The following ST18 variants were observed in gnomAD, a reference collection of about 807,000 sequenced individuals.
The protein encoded by ST18 is ST18 C2H2C-type zinc finger transcription factor, also known as suppression of tumorigenicity 18 protein.
Under a neutral mutation model 110.0 loss-of-function variants are expected in ST18, and 50 were observed. The ratio of observed to expected loss-of-function variants is 0.45; its 90% confidence interval spans 0.36 to 0.58. ST18 has a LOEUF of 0.58. ST18 is among the 20% of genes least tolerant of loss of function. ST18 has a pLI of 0.00. For synonymous variants in ST18, 461 were observed against 452.4 expected (o/e 1.02, Z -0.24); for missense variants, 1,306 against 1,280.1 (o/e 1.02, Z -0.31).
At chr8:52,125,520 G>A (rs2046686555) in intron 23 of ST18, among the ~76,000 whole-genome samples, 1 of 152,126 alleles carries the variant, frequency 6.6e-6, no homozygotes, top group Non-Finnish European at 1.5e-5. Context: ...GCCTCTCGCA[G>A]TTGTCCAGGC....
At chr8:52,355,959 C>T (rs907152955) in intron 2 of ST18, among the ~76,000 whole-genome samples, 2 of 152,000 alleles carry the variant, frequency 1.3e-5, no homozygotes, top group Admixed American at 1.3e-4. Flanking sequence ...AGCACAGCAG[C>T]CAGGAGCAAG....
At chr8:52,281,049 T>TA (rs1376889593) in intron 2 of ST18, among the ~76,000 whole-genome samples, 4 of 151,994 alleles carry the variant, frequency 2.6e-5, no homozygotes, top group Admixed American at 1.3e-4. Flanking sequence ...AACCACACAT[T>TA]AAAAAACTAA....
intron 2 of ST18, among the ~76,000 whole-genome samples, chr8:52,239,699 G>A (rs975060628): frequency 1.3e-5 from 2 of 152,162 alleles, no homozygotes; most frequent in Admixed American, 6.6e-5. Flanking sequence ...ACTCCCCAAC[G>A]TGTGGTCTCT....
intron 2 of ST18, among the ~76,000 whole-genome samples, chr8:52,237,231 G>A (rs576072135): frequency 2.6e-5 from 4 of 152,342 alleles, no homozygotes; most frequent in Admixed American, 6.5e-5. Flanking sequence ...CAGTGTGGGC[G>A]TGGTGAGGAC....
intron 15 of ST18, among the ~76,000 whole-genome samples, chr8:52,152,658 C>T (rs114590284): frequency 0.011 from 1,737 of 152,238 alleles, 45 homozygotes; most frequent in African/African-American, 0.04. Context: ...AATTGGAAAA[C>T]AGGTTGTTTC....
chr8:52,118,337 C>G lies in ST18; in HGVS notation c.2859+1G>C, dbSNP rs761992323. 2.5e-6 allele frequency: 4 copies of G among 1,578,796 alleles called. 1 individual carries two copies. Among genetic ancestry groups the G allele is most frequent in the Non-Finnish European group, 8.6e-7 (1 of 1,159,702 alleles). On this transcript the variant is annotated splice_donor_variant, in intron 24 of 25. Coordinates refer to ENST00000689386, the MANE Select transcript of ST18 (RefSeq NM_001352837.2). LOFTEE classifies it high-confidence loss of function. ...GATCATGAATTACTTCTTTTTTTTA[C>G]CTGGGTCTGAAGTTTCATCATATCT...
chr8:52,217,574 C>T (rs1453649208), intron 6 of ST18, among the ~76,000 whole-genome samples, 172 bp downstream of exon 6: 1 of 151,794 alleles, frequency 6.6e-6, no homozygotes, highest in Non-Finnish European at 1.5e-5. Context: ...GAGGAAAAGA[C>T]ATGTACAAAA....
chr8:52,314,825 G>A (rs1296078732), intron 2 of ST18, among the ~76,000 whole-genome samples: 1 of 152,092 alleles, frequency 6.6e-6, no homozygotes, highest in Non-Finnish European at 1.5e-5. Context: ...GGGGCAGCAG[G>A]GATTGGCACA....
In ST18 at chr8:52,138,177, T is replaced by C. The variant is rs144710249; in HGVS notation, c.2169-694A>G. ...ATTAGAAACCCATGCTTTACTATGA[T>C]AGCAGATCTTAGGAACACCAGCACC... On this transcript the variant is annotated intron_variant, in intron 17 of 25. Transcript: ENST00000689386. Among the ~76,000 whole-genome samples the C allele has an allele frequency of 6.1e-3, 927 of 152,030 alleles. 19 individuals are homozygous for C. The highest frequency in any genetic ancestry group is 0.021 in the African/African-American group (889 of 41,460).
chr8:52,292,581 T>C (rs896538383), intron 2 of ST18, among the ~76,000 whole-genome samples: 1 of 152,220 alleles, frequency 6.6e-6, no homozygotes, highest in Non-Finnish European at 1.5e-5. Flanking sequence ...GTTATTAACA[T>C]AAAATAAATA....
intron 9 of ST18, among the ~76,000 whole-genome samples, chr8:52,176,379 A>G (rs767944901): frequency 4.6e-5 from 7 of 152,200 alleles, no homozygotes; most frequent in Non-Finnish European, 8.8e-5. Flanking sequence ...AATAAAATAA[A>G]CAACATGACC....
chr8:52,279,030 A>AT (rs1288309851), intron 2 of ST18, among the ~76,000 whole-genome samples: 2 of 152,196 alleles, frequency 1.3e-5, no homozygotes, highest in Non-Finnish European at 2.9e-5. Flanking sequence ...TCAGAAAATA[A>AT]TTTTTTAAAA....
chr8:52,230,871 C>T (rs80051551), intron 2 of ST18, among the ~76,000 whole-genome samples: 16 of 151,982 alleles, frequency 1.1e-4, no homozygotes, highest in African/African-American at 3.4e-4. Flanking sequence ...GATGCCCTGA[C>T]GACAGAACAA....
intron 2 of ST18, among the ~76,000 whole-genome samples, chr8:52,271,600 G>A (rs961228317): frequency 6.6e-6 from 1 of 152,134 alleles, no homozygotes; most frequent in African/African-American, 2.4e-5. Context: ...TTTTCCTTTA[G>A]TTTCTCTGTT....
intron 21 of ST18, among the ~76,000 whole-genome samples, chr8:52,132,781 T>C (rs555658880): frequency 1.3e-5 from 2 of 152,360 alleles, no homozygotes; most frequent in South Asian, 4.1e-4. Context: ...TATCATTGTA[T>C]AGTACTTCCA....
At chr8:52,169,458 C>T (rs1347910920) in intron 10 of ST18, among the ~76,000 whole-genome samples, 1 of 152,118 alleles carries the variant, frequency 6.6e-6, no homozygotes, top group African/African-American at 2.4e-5. Context: ...TGCTTAGTGG[C>T]AAGAGTCTAA....
chr8:52,290,112 C>T (rs542829201), intron 2 of ST18, among the ~76,000 whole-genome samples: 1 of 152,254 alleles, frequency 6.6e-6, no homozygotes, highest in African/African-American at 2.4e-5. Flanking sequence ...ACATAGAGAC[C>T]ATCTATCTCC....
At chr8:52,184,366 T>A (rs1241958224) in intron 8 of ST18, among the ~76,000 whole-genome samples, 1 of 152,212 alleles carries the variant, frequency 6.6e-6, no homozygotes, top group Non-Finnish European at 1.5e-5. Flanking sequence ...TCCATACTTT[T>A]CAAGTTTTGA....
At chr8:52,184,835 T>C (rs923186382) in intron 8 of ST18, among the ~76,000 whole-genome samples, 2 of 152,186 alleles carry the variant, frequency 1.3e-5, no homozygotes, top group African/African-American at 4.8e-5. Context: ...AGGAAAACAC[T>C]TACATGCTTC....
Sources: allele counts gnomAD v4.1 joint callset (sites outside exome capture counted in the v4.1 genomes callset), GRCh38; gene constraint gnomAD v4.1.1; transcripts MANE v1.5; gene names NCBI Gene and HGNC (gene_info 2026-07-23, HGNC 2026-07-21).